ANOS1: variants seen among roughly 807,000 people sequenced by gnomAD.
The protein encoded by ANOS1 is anosmin-1.
Under a neutral mutation model 59.0 loss-of-function variants are expected in ANOS1, and 6 were observed. That is an observed-to-expected ratio of 0.10 (90% CI 0.06 to 0.20). The LOEUF is 0.20. ANOS1 is among the 10% of genes least tolerant of loss of function. The probability of loss-of-function intolerance (pLI) is 1.00; values close to 1 mark genes in which losing one functional copy is unlikely to be tolerated. For missense variants in ANOS1, 433 were observed against 542.3 expected, an observed-to-expected ratio of 0.80 and a Z score of 2.00; for synonymous variants, 217 against 223.4, an observed-to-expected ratio of 0.97 and a Z score of 0.25.
chrX:8,633,466 G>A (rs1196402522), intron 2 of ANOS1, among the ~76,000 whole-genome samples: 1 of 111,767 alleles, frequency 8.9e-6, no homozygotes, highest in Non-Finnish European at 1.9e-5. Flanking sequence ...GGAAGACAAA[G>A]CATACCTTCT....
At chrX:8,723,650 C>T (rs1289541268) in intron 1 of ANOS1, among the ~76,000 whole-genome samples, 2 of 112,169 alleles carry the variant, frequency 1.8e-5, no homozygotes, top group East Asian at 5.6e-4. Flanking sequence ...ACCCTCTTTA[C>T]CATCAGGGAA....
chrX:8,584,404 T>C (rs1930474206), intron 6 of ANOS1, among the ~76,000 whole-genome samples: 1 of 109,104 alleles, frequency 9.2e-6, no homozygotes, highest in Non-Finnish European at 1.9e-5. Flanking sequence ...AAAAAAAAAG[T>C]GTTTTGTTTG....
chrX:8,585,170 A>G, intron 6 of ANOS1, 97 bp downstream of exon 6: 1 of 969,568 alleles, frequency 1.0e-6, no homozygotes. Flanking sequence ...CCTGTTGACT[A>G]ACTATAAATA....
chrX:8,596,507 A>G (rs1008316178), intron 4 of ANOS1, among the ~76,000 whole-genome samples: 2 of 112,185 alleles, frequency 1.8e-5, no homozygotes, highest in African/African-American at 6.5e-5. Context: ...AAACCGTTTG[A>G]TAAACTGAAC....
At chrX:8,658,099 C>T (rs1455756563) in intron 2 of ANOS1, among the ~76,000 whole-genome samples, 1 of 111,974 alleles carries the variant, frequency 8.9e-6, no homozygotes, top group African/African-American at 3.3e-5. Flanking sequence ...TGAGCAAGTT[C>T]TCAGATAGAG....
At chrX:8,612,790 G>T (rs12840575) in intron 3 of ANOS1, among the ~76,000 whole-genome samples, 39,439 of 110,111 alleles carry the variant, frequency 0.36, 5,153 homozygotes, top group South Asian at 0.43. Flanking sequence ...AAAGACATAG[G>T]TTATAAATGC....
In ANOS1 at chrX:8,648,102, T is replaced by C. The variant is rs113068049; in HGVS notation, c.256-24432A>G. On this transcript the variant is annotated intron_variant, in intron 2 of 13. Coordinates refer to ENST00000262648, the MANE Select transcript of ANOS1 (RefSeq NM_000216.4). ...AACAATTAAAATAATGCTTCCAGGA[T>C]GAACTAATCTTCGTAGTGGAAAACA... Among the ~76,000 whole-genome samples, 658 of 112,399 alleles carry C rather than the reference T, an allele frequency of 5.9e-3. 5 individuals are homozygous for C. Among genetic ancestry groups the C allele is most frequent in the African/African-American group, 0.02 (630 of 30,966 alleles).
intron 9 of ANOS1, among the ~76,000 whole-genome samples, chrX:8,551,227 C>T (rs1340905680): frequency 9.0e-6 from 1 of 111,664 alleles, no homozygotes; most frequent in Non-Finnish European, 1.9e-5. Flanking sequence ...AAACAGTGGA[C>T]AAGAAGACAA....
At chrX:8,724,793 T>C (rs1238023380) in intron 1 of ANOS1, among the ~76,000 whole-genome samples, 1 of 112,203 alleles carries the variant, frequency 8.9e-6, no homozygotes, top group Non-Finnish European at 1.9e-5. Context: ...CCTAAGATGA[T>C]GGTGCAAAGA....
At chrX:8,537,785 T>TG in intron 10 of ANOS1, among the ~76,000 whole-genome samples, 1 of 107,070 alleles carries the variant, frequency 9.3e-6, no homozygotes, top group South Asian at 4.1e-4. Context: ...TGTGTGTGTG[T>TG]TTAATTATTT....
At chrX:8,540,464 C>T (rs1186550529) in intron 9 of ANOS1, among the ~76,000 whole-genome samples, 1 of 110,538 alleles carries the variant, frequency 9.0e-6, no homozygotes, top group Non-Finnish European at 1.9e-5. Flanking sequence ...CACGTTTATT[C>T]CCAGGGCAAG....
chrX:8,724,386 G>A (rs1163312220), intron 1 of ANOS1, among the ~76,000 whole-genome samples: 1 of 112,205 alleles, frequency 8.9e-6, no homozygotes, highest in Non-Finnish European at 1.9e-5. Context: ...AAGAGAGGAA[G>A]CAGGAGAAGG....
At chrX:8,573,469 T>C (rs1267079045) in intron 6 of ANOS1, among the ~76,000 whole-genome samples, 1 of 109,558 alleles carries the variant, frequency 9.1e-6, no homozygotes, top group African/African-American at 3.3e-5. Context: ...TGCATCTGAA[T>C]TCAGGGGCCT....
At chrX:8,545,782 G>T (rs1038948332) in intron 9 of ANOS1, among the ~76,000 whole-genome samples, 6 of 111,922 alleles carry the variant, frequency 5.4e-5, no homozygotes, top group Non-Finnish European at 1.1e-4. Flanking sequence ...GCAATATTTT[G>T]CCCACCATCA....
At chrX:8,583,165 G>A (rs1354219544) in intron 6 of ANOS1, among the ~76,000 whole-genome samples, 2 of 102,411 alleles carry the variant, frequency 2.0e-5, no homozygotes, top group African/African-American at 7.2e-5. Flanking sequence ...CTAAGGAATA[G>A]ATCAAGTACC....
chrX:8,618,705 TG>T (rs1411839205), intron 3 of ANOS1, among the ~76,000 whole-genome samples: 3 of 112,286 alleles, frequency 2.7e-5, no homozygotes, highest in Non-Finnish European at 5.6e-5. Context: ...GAGAAAGGAA[TG>T]TTTCAACCTA....
intron 6 of ANOS1, among the ~76,000 whole-genome samples, chrX:8,579,696 G>A (rs1418525259): frequency 9.0e-6 from 1 of 110,866 alleles, no homozygotes; most frequent in Non-Finnish European, 1.9e-5. Context: ...CTAAGGCTGT[G>A]TCTGGGCTCA....
chrX:8,723,462 A>G (rs1182385210), intron 1 of ANOS1, among the ~76,000 whole-genome samples: 1 of 112,322 alleles, frequency 8.9e-6, no homozygotes, highest in Non-Finnish European at 1.9e-5. Flanking sequence ...TATGAAAAAC[A>G]TGCTCAACAT....
Position 8,685,590 on chromosome X carries a change from AAG to A in ANOS1, c.255+14106_255+14107del, listed in dbSNP as rs1284334138. On this transcript the variant is annotated intron_variant, in intron 2 of 13. Transcript: ENST00000262648. ...GGAAGGAAGGAAGGAAAGAAAGAGA[AAG>A]AAAGGAAGAAAGAAAGAAAGAAAGA... Among the ~76,000 whole-genome samples the A allele has an allele frequency of 2.8e-4, 20 of 72,159 alleles. 1 individual carries two copies. The Admixed American group carries it at 3.3e-3, about 12-fold the overall frequency. The allele number at this position is 72,159 out of a possible 115,157, so 62.7% of individuals were successfully genotyped here. A position where few individuals can be genotyped will look rare whatever the true frequency, so the allele number is the denominator to read the frequency against.
Sources: allele counts gnomAD v4.1 joint callset (sites outside exome capture counted in the v4.1 genomes callset), GRCh38; gene constraint gnomAD v4.1.1; transcripts MANE v1.5; gene names NCBI Gene and HGNC (gene_info 2026-07-23, HGNC 2026-07-21).